SFMBT2: variants seen among roughly 807,000 people sequenced by gnomAD.
SFMBT2 encodes the protein scm-like with four MBT domains protein 2.
A neutral mutation model predicts 110.1 loss-of-function variants in SFMBT2; 38 were observed. The observed-to-expected ratio is 0.35, with a 90% CI of 0.27 to 0.45. SFMBT2 has a LOEUF of 0.45. SFMBT2 is among the 20% of genes least tolerant of loss of function. SFMBT2 has a pLI of 1.00. For missense variants in SFMBT2, 1,011 were observed against 1,094.9 expected, an observed-to-expected ratio of 0.92 and a Z score of 1.08; for synonymous variants, 425 against 425.4, an observed-to-expected ratio of 1.00 and a Z score of 0.01.
chr10:7,354,527 A>G (rs547187786), intron 4 of SFMBT2, among the ~76,000 whole-genome samples: 2 of 152,310 alleles, frequency 1.3e-5, no homozygotes, highest in Admixed American at 6.5e-5. Flanking sequence ...GCACTGGTCT[A>G]TTCTCAGGCA....
intron 9 of SFMBT2, among the ~76,000 whole-genome samples, chr10:7,230,640 A>G (rs1281398993): frequency 6.6e-6 from 1 of 152,172 alleles, no homozygotes. Context: ...TCACAAAATA[A>G]AAAGAAAAGC....
At chr10:7,273,430 A>G (rs1425905417) in intron 7 of SFMBT2, among the ~76,000 whole-genome samples, 1 of 152,240 alleles carries the variant, frequency 6.6e-6, no homozygotes, top group East Asian at 1.9e-4. Flanking sequence ...AAGTTGTAAA[A>G]TCAGAAAACA....
intron 15 of SFMBT2, chr10:7,189,055 G>A (rs771637092): frequency 8.3e-5 from 56 of 674,542 alleles, no homozygotes; most frequent in Non-Finnish European, 9.9e-5. Context: ...GCAATTTATT[G>A]TACTTCAACA....
intron 1 of SFMBT2, among the ~76,000 whole-genome samples, chr10:7,395,905 C>T (rs1187288618): frequency 5.3e-5 from 8 of 152,008 alleles, no homozygotes; most frequent in African/African-American, 9.7e-5. Context: ...TCTAGTAATT[C>T]GTAGATGTTT....
At position 7,394,041 on chromosome 10, in the gene SFMBT2, C is replaced by T. The variant is rs145441530; in HGVS notation, c.-51-12092G>A. Among the ~76,000 whole-genome samples the T allele has an allele frequency of 4.0e-4, 61 of 152,096 alleles. No individual in the cohort carries two copies. In the East Asian group the frequency reaches 5.6e-3, roughly 14 times the overall value. Reference sequence around the variant, plus strand: ...AATTTGAGAAAGGGTCTCACTCTGTCGCCCAGGCTGGAGTGCAGTGCTTCG... The same window carrying T: ...AATTTGAGAAAGGGTCTCACTCTGTTGCCCAGGCTGGAGTGCAGTGCTTCG... On this transcript the variant is annotated intron_variant, in intron 1 of 20. Coordinates refer to ENST00000397167, the MANE Select transcript of SFMBT2 (RefSeq NM_001387889.1).
intron 1 of SFMBT2, among the ~76,000 whole-genome samples, chr10:7,405,811 C>G (rs1288182871): frequency 7.1e-6 from 1 of 140,054 alleles, no homozygotes; most frequent in East Asian, 2.3e-4. Context: ...CACCTACACA[C>G]TAGGCCCGAT....
chr10:7,395,868 C>T (rs964749057), intron 1 of SFMBT2, among the ~76,000 whole-genome samples: 9 of 152,122 alleles, frequency 5.9e-5, no homozygotes, highest in Non-Finnish European at 1.0e-4. Flanking sequence ...CTGGTGTCTA[C>T]TTTTATATTA....
At chr10:7,295,113 A>G (rs1233546593) in intron 4 of SFMBT2, 1 of 152,232 alleles carries the variant, frequency 6.6e-6, no homozygotes, top group Non-Finnish European at 1.5e-5. Flanking sequence ...CCAAAATTAC[A>G]TTGCATCCTG....
chr10:7,347,314 C>A (rs1300199951), intron 4 of SFMBT2, among the ~76,000 whole-genome samples: 1 of 152,140 alleles, frequency 6.6e-6, no homozygotes, highest in South Asian at 2.1e-4. Flanking sequence ...ACCATGCAGA[C>A]ATGGAATTTG....
Position 7,403,373 on chromosome 10 carries a change from T to C in SFMBT2, c.-52+7488A>G, listed in dbSNP as rs114003410. Among the ~76,000 whole-genome samples the C allele has an allele frequency of 9.9e-3, 1,513 of 152,322 alleles. 27 individuals are homozygous for C. Among genetic ancestry groups the C allele is most frequent in the African/African-American group, 0.034 (1,427 of 41,556 alleles). ...AAGTGCTAGGCAAGACCAGGCATGG[T>C]TGCTCACACCTGGAATTCCAGCACT... is the stretch of plus-strand genomic sequence containing the variant. On this transcript the variant is annotated intron_variant, in intron 1 of 20. Transcript: ENST00000397167.
rs144000634 is a variant in SFMBT2, at chr10:7,221,115, C to T, written c.1204-578G>A. ...TGCTGGGATTACAGGTGTGAGCCACCGTGCCCGGCTGCACCCTTCCTTCTA... is the reference window on the plus strand; with the variant it reads ...TGCTGGGATTACAGGTGTGAGCCACTGTGCCCGGCTGCACCCTTCCTTCTA... On this transcript the variant is annotated intron_variant, in intron 10 of 20. Transcript: ENST00000397167. Among the ~76,000 whole-genome samples, 1,335 of 151,896 alleles carry T rather than the reference C, an allele frequency of 8.8e-3. 9 individuals carry two copies. Among genetic ancestry groups the T allele is most frequent in the South Asian group, 0.015 (72 of 4,804 alleles).
chr10:7,351,333 C>T (rs1216926994), intron 4 of SFMBT2, among the ~76,000 whole-genome samples: 1 of 152,192 alleles, frequency 6.6e-6, no homozygotes, highest in Non-Finnish European at 1.5e-5. Flanking sequence ...AAATACCATC[C>T]TTAACCAGAA....
At chr10:7,381,236 C>T (rs1257202934) in intron 2 of SFMBT2, among the ~76,000 whole-genome samples, 2 of 152,176 alleles carry the variant, frequency 1.3e-5, no homozygotes, top group Non-Finnish European at 2.9e-5. Flanking sequence ...ACACTGTATG[C>T]TTTTCTGACA....
chr10:7,279,425 G>A (rs1243975513), intron 6 of SFMBT2, among the ~76,000 whole-genome samples: 1 of 152,144 alleles, frequency 6.6e-6, no homozygotes, highest in East Asian at 1.9e-4. Context: ...CCACAGCAAG[G>A]CAGACTTCTT....
chr10:7,294,012 C>T (rs1439604718), intron 4 of SFMBT2, among the ~76,000 whole-genome samples: 2 of 152,196 alleles, frequency 1.3e-5, no homozygotes, highest in South Asian at 2.1e-4. Flanking sequence ...ATAGGAGGTA[C>T]GTCCCAAAGG....
intron 4 of SFMBT2, among the ~76,000 whole-genome samples, chr10:7,357,075 A>G (rs1028475546): frequency 1.3e-5 from 2 of 152,200 alleles, no homozygotes; most frequent in African/African-American, 4.8e-5. Context: ...CTATATTCAG[A>G]AATATCAACT....
At chr10:7,297,005 A>G (rs1475185593) in intron 4 of SFMBT2, among the ~76,000 whole-genome samples, 1 of 152,234 alleles carries the variant, frequency 6.6e-6, no homozygotes, top group East Asian at 1.9e-4. Flanking sequence ...CTGCCCAGTC[A>G]GAGCTCAGAC....
chr10:7,282,684 C>T (rs527620863), intron 6 of SFMBT2, among the ~76,000 whole-genome samples: 12 of 152,260 alleles, frequency 7.9e-5, no homozygotes, highest in East Asian at 1.9e-4. Flanking sequence ...TGCAAACACA[C>T]GGGACACAGG....
chr10:7,227,240 A>G (rs1382512192), intron 10 of SFMBT2, among the ~76,000 whole-genome samples: 1 of 152,232 alleles, frequency 6.6e-6, no homozygotes, highest in Admixed American at 6.5e-5. Context: ...AGGCCTCAAG[A>G]GCAAAGACTC....
Sources: gnomAD v4.1 joint callset for allele counts (sites outside exome capture counted in the v4.1 genomes callset) on GRCh38, gnomAD v4.1.1 for gene constraint, MANE v1.5 for transcripts, NCBI Gene and HGNC (gene_info 2026-07-23, HGNC 2026-07-21) for gene names.